The following GYPC variants were observed in gnomAD, a reference collection of about 807,000 sequenced individuals.
GYPC encodes the protein glycophorin C (Gerbich blood group).
Under a neutral mutation model 12.6 loss-of-function variants are expected in GYPC, and 14 were observed. The observed-to-expected ratio is 1.11, with a 90% CI of 0.74 to 1.74. GYPC has a LOEUF of 1.74. Ranked by LOEUF, GYPC falls within the 40% of genes most tolerant of loss-of-function variation. GYPC has a pLI of 0.00. For missense variants in GYPC, 225 were observed against 172.1 expected (o/e 1.31, Z -1.72); for synonymous variants, 78 against 62.1 (o/e 1.26, Z -1.20).
intron 1 of GYPC, among the ~76,000 whole-genome samples, chr2:126,670,997 G>C (rs998513634): frequency 1.3e-5 from 2 of 152,184 alleles, no homozygotes; most frequent in Non-Finnish European, 2.9e-5. Context: ...GAGACTCTCT[G>C]ATGGCACAAC....
intron 3 of GYPC, among the ~76,000 whole-genome samples, 166 bp from the exon 4 acceptor site, chr2:126,695,780 C>T (rs1052091298): frequency 7.2e-5 from 11 of 152,210 alleles, no homozygotes; most frequent in Non-Finnish European, 1.2e-4. Context: ...GTATTTTTAA[C>T]TTATTATGGG....
chr2:126,656,188 A>G lies in GYPC; in HGVS notation c.-76A>G, dbSNP rs576181769. ...CGCCGCCGAGGGTCAGGAGCCCGGG[A>G]GCGCGACCCTCCCCCGGCCCGGCCT... On this transcript the variant is annotated 5_prime_UTR_variant, in exon 1 of 4. Transcript: ENST00000259254. 13 of 1,532,242 alleles carry G rather than the reference A, an allele frequency of 8.5e-6. No individual in the cohort carries two copies. The East Asian group carries it at 2.8e-4, about 33-fold the overall frequency. The allele number at this position is 1,532,242 out of a possible 1,614,324, so 94.9% of individuals were successfully genotyped here. A position where few individuals can be genotyped will look rare whatever the true frequency, so the allele number is the denominator to read the frequency against.
chr2:126,685,016 T>G lies in GYPC; in HGVS notation c.50-5239T>G, dbSNP rs541853342. Among the ~76,000 whole-genome samples, 5 of 152,318 alleles carry G rather than the reference T, an allele frequency of 3.3e-5. No homozygotes were observed. The East Asian group carries it at 9.6e-4, about 29-fold the overall frequency. ...CTGGCTGGCTTCTAGGAGAAATGGATGCGTGGGTAATAAGCTATTCATTTA... is the reference window on the plus strand; with the variant it reads ...CTGGCTGGCTTCTAGGAGAAATGGAGGCGTGGGTAATAAGCTATTCATTTA... On this transcript the variant is annotated intron_variant, in intron 1 of 3. Transcript: ENST00000259254.
rs375788056 is a variant in GYPC at position 126,693,821 on chromosome 2, G to A, written c.107-43G>A. The A allele has an allele frequency of 7.1e-5, 95 of 1,337,174 alleles. No individual in the cohort carries two copies. The African/African-American group carries it at 1.2e-3, about 17-fold the overall frequency. 82.8% of individuals were successfully genotyped at this position (1,337,174 alleles called of 1,614,324 possible). A position where few individuals can be genotyped will look rare whatever the true frequency, so the allele number is the denominator to read the frequency against. ...GGGCCAAGGTGCTGCTAGGCATGGA[G>A]AATCTTCCTCTCTGACCTCAGATTC... On this transcript the variant is annotated intron_variant, in intron 2 of 3. Coordinates refer to ENST00000259254, the MANE Select transcript of GYPC (RefSeq NM_002101.5).
In GYPC at chr2:126,681,536, A is replaced by T. The variant is rs924436840; in HGVS notation, c.50-8719A>T. ...TGATTCTCAGGGTGATACATATGCCAAATAGTATACCAGAGTATTGAAGGT... is the reference window on the plus strand; with the variant it reads ...TGATTCTCAGGGTGATACATATGCCTAATAGTATACCAGAGTATTGAAGGT... On this transcript the variant is annotated intron_variant, in intron 1 of 3. Coordinates refer to ENST00000259254, the MANE Select transcript of GYPC (RefSeq NM_002101.5). Among the ~76,000 whole-genome samples the T allele has an allele frequency of 1.2e-4, 18 of 152,032 alleles. No homozygotes were observed. The East Asian group carries it at 3.5e-3, about 29-fold the overall frequency.
intron 1 of GYPC, among the ~76,000 whole-genome samples, chr2:126,657,330 A>G (rs1341568752): frequency 2.6e-5 from 4 of 152,170 alleles, no homozygotes; most frequent in Non-Finnish European, 4.4e-5. Flanking sequence ...GGTGCTTGGG[A>G]GCGAGGCCCC....
At chr2:126,668,328 C>T (rs546259179) in intron 1 of GYPC, among the ~76,000 whole-genome samples, 4 of 152,250 alleles carry the variant, frequency 2.6e-5, no homozygotes, top group African/African-American at 9.6e-5. Flanking sequence ...CCCCCAGGGC[C>T]CCTTGTGATG....
chr2:126,695,581 T>C (rs1377932202), intron 3 of GYPC, among the ~76,000 whole-genome samples: 1 of 152,180 alleles, frequency 6.6e-6, no homozygotes, highest in Admixed American at 6.5e-5. Context: ...TACTTTGAAT[T>C]TTGAACTTTG....
At chr2:126,695,105 G>A (rs950328521) in intron 3 of GYPC, among the ~76,000 whole-genome samples, 1 of 152,214 alleles carries the variant, frequency 6.6e-6, no homozygotes, top group Non-Finnish European at 1.5e-5. Context: ...TGGGAGCAGG[G>A]TAGGGTGAGG....
rs28387110 is a variant in GYPC at position 126,666,561 on chromosome 2, G to A, written c.49+10249G>A. ...AGGAGCCAGACTGGACCAGTCCTCGGTCCCTGTCTCCTTTGTGAGTGTACT... is the reference window on the plus strand; with the variant it reads ...AGGAGCCAGACTGGACCAGTCCTCGATCCCTGTCTCCTTTGTGAGTGTACT... On this transcript the variant is annotated intron_variant, in intron 1 of 3. Coordinates refer to ENST00000259254, the MANE Select transcript of GYPC (RefSeq NM_002101.5). Among the ~76,000 whole-genome samples, 493 of 152,242 alleles carry A rather than the reference G, an allele frequency of 3.2e-3. 3 individuals carry two copies. Among genetic ancestry groups the A allele is most frequent in the African/African-American group, 0.011 (456 of 41,518 alleles).
At chr2:126,677,492 A>AGTGT (rs70985425) in intron 1 of GYPC, among the ~76,000 whole-genome samples, 47,616 of 148,486 alleles carry the variant, frequency 0.32, 8,067 homozygotes, top group African/African-American at 0.44. Flanking sequence ...TGTGAGTCTG[A>AGTGT]GTGTGTGTAT....
intron 1 of GYPC, among the ~76,000 whole-genome samples, chr2:126,684,554 C>G (rs1033120611): frequency 2.6e-5 from 4 of 152,174 alleles, no homozygotes; most frequent in African/African-American, 9.7e-5. Context: ...CTTCAGGAAG[C>G]CTTTCCTGAG....
At chr2:126,682,983 A>ATTTT (rs1356763572) in intron 1 of GYPC, among the ~76,000 whole-genome samples, 1 of 152,110 alleles carries the variant, frequency 6.6e-6, no homozygotes, top group East Asian at 1.9e-4. Flanking sequence ...GGCTGGGGGA[A>ATTTT]TTGTGGTTCT....
At chr2:126,677,694 A>G (rs1025287378) in intron 1 of GYPC, among the ~76,000 whole-genome samples, 1 of 152,006 alleles carries the variant, frequency 6.6e-6, no homozygotes, top group Non-Finnish European at 1.5e-5. Context: ...TGCCTGCCGT[A>G]ATCCTTCGCT....
intron 2 of GYPC, among the ~76,000 whole-genome samples, chr2:126,693,519 CACA>C (rs893151504): frequency 2.6e-5 from 4 of 152,194 alleles, no homozygotes; most frequent in South Asian, 2.1e-4. Context: ...CTTTCTTAAA[CACA>C]ACAAGAGTCC....
chr2:126,686,134 T>G, intron 1 of GYPC: 30 of 985,200 alleles, frequency 3.0e-5, no homozygotes, highest in Non-Finnish European at 3.6e-5. Flanking sequence ...TTTAGCACAG[T>G]GTCATCTGAA....
chr2:126,688,630 T>C (rs747415647), intron 1 of GYPC, among the ~76,000 whole-genome samples: 9 of 152,158 alleles, frequency 5.9e-5, no homozygotes, highest in Non-Finnish European at 1.3e-4. Flanking sequence ...TCACTGGGTC[T>C]CTTGGCGGCC....
At chr2:126,672,918 C>T (rs745424894) in intron 1 of GYPC, among the ~76,000 whole-genome samples, 2 of 152,068 alleles carry the variant, frequency 1.3e-5, no homozygotes. Flanking sequence ...GAGAACAGCT[C>T]GGCCTCACAC....
chr2:126,687,608 CA>C (rs1683327730), intron 1 of GYPC, among the ~76,000 whole-genome samples: 1 of 152,208 alleles, frequency 6.6e-6, no homozygotes, highest in Non-Finnish European at 1.5e-5. Flanking sequence ...TTCAGCTCCA[CA>C]CACTTGGTGG....
Sources: allele counts gnomAD v4.1 joint callset (sites outside exome capture counted in the v4.1 genomes callset), GRCh38; gene constraint gnomAD v4.1.1; transcripts MANE v1.5; gene names NCBI Gene and HGNC (gene_info 2026-07-23, HGNC 2026-07-21).